The following PCDHA8 variants were observed in gnomAD, a reference collection of about 807,000 sequenced individuals.
The protein encoded by PCDHA8 is protocadherin alpha-8.
Under a neutral mutation model 61.8 loss-of-function variants are expected in PCDHA8, and 53 were observed. The ratio of observed to expected loss-of-function variants is 0.86; its 90% confidence interval spans 0.69 to 1.08. The LOEUF (loss-of-function observed/expected upper bound fraction) is 1.08. PCDHA8 is among the 50% of genes least tolerant of loss of function. The pLI is 0.00. For synonymous variants in PCDHA8, 618 were observed against 556.6 expected, an observed-to-expected ratio of 1.11 and a Z score of -1.55; for missense variants, 1,293 against 1,245.0, an observed-to-expected ratio of 1.04 and a Z score of -0.58.
At chr5:140,858,494 C>A (rs1451749220) in intron 1 of PCDHA8, 1 of 1,482,778 alleles carries the variant, frequency 6.7e-7, no homozygotes. Context: ...TTTCTCTTAC[C>A]GCATTTTCTC....
At chr5:140,941,651 T>C (rs2093139674) in intron 1 of PCDHA8, among the ~76,000 whole-genome samples, 3 of 152,120 alleles carry the variant, frequency 2.0e-5, no homozygotes, top group Admixed American at 6.6e-5. Context: ...CTACAACTTA[T>C]GTCCAATTTT....
chr5:140,945,533 A>G (rs1007849839), intron 1 of PCDHA8, among the ~76,000 whole-genome samples: 2 of 152,084 alleles, frequency 1.3e-5, no homozygotes, highest in African/African-American at 4.8e-5. Flanking sequence ...AAAACAAAAC[A>G]TACAAACAAA....
chr5:140,859,141 A>T (rs1275943443), intron 1 of PCDHA8: 1 of 150,200 alleles, frequency 6.7e-6, no homozygotes, highest in African/African-American at 2.4e-5. Context: ...ACATAATTTT[A>T]TCCAGTAGCT....
intron 1 of PCDHA8, chr5:140,863,615 T>C (rs1290782399): frequency 1.2e-5 from 4 of 339,092 alleles, no homozygotes; most frequent in South Asian, 4.8e-5. Context: ...ATGTCCCTCA[T>C]AGTGACATTG....
intron 1 of PCDHA8, chr5:140,882,334 A>G: frequency 1.2e-6 from 2 of 1,614,176 alleles, no homozygotes; most frequent in Non-Finnish European, 1.7e-6. Flanking sequence ...TGATCCTCGC[A>G]GCCTGGGAGA....
intron 2 of PCDHA8, 73 bp downstream of exon 2, chr5:140,979,080 A>T: frequency 1.3e-6 from 2 of 1,572,720 alleles, no homozygotes; most frequent in Non-Finnish European, 1.7e-6. Context: ...GCATCTCCAT[A>T]GGCCAGAAGC....
In PCDHA8 at chr5:140,850,552, C is replaced by A. The variant is rs112046100; in HGVS notation, c.2394+6837C>A. On this transcript the variant is annotated intron_variant, in intron 1 of 3. Coordinates refer to ENST00000531613, the MANE Select transcript of PCDHA8 (RefSeq NM_018911.3). ...TCATCGTCGCGGGCGTCAGTGGGTG[C>A]CACGGGCCCCGAGGTGACGCTGGTG... is the stretch of plus-strand genomic sequence containing the variant. 1,841 of 1,598,232 alleles carry A rather than the reference C, an allele frequency of 1.2e-3. 121 individuals carry two copies. The African/African-American group carries it at 0.021, about 18-fold the overall frequency.
chr5:140,928,547 A>T (rs782813761), intron 1 of PCDHA8: 5 of 1,614,206 alleles, frequency 3.1e-6, no homozygotes, highest in Middle Eastern at 3.3e-4. Context: ...AATGACAATT[A>T]TCCGGTTATC....
chr5:140,950,685 A>T (rs947460709), intron 1 of PCDHA8, among the ~76,000 whole-genome samples: 3 of 152,082 alleles, frequency 2.0e-5, no homozygotes, highest in Non-Finnish European at 4.4e-5. Context: ...GTATATTGTT[A>T]ACCAAATTTG....
chr5:140,876,801 G>A lies in PCDHA8; in HGVS notation c.2394+33086G>A, dbSNP rs1015597244. 3.1e-6 allele frequency: 5 copies of A among 1,614,114 alleles called. No homozygotes were observed. The African/African-American group carries it at 6.7e-5, about 22-fold the overall frequency. On this transcript the variant is annotated intron_variant, in intron 1 of 3. Transcript: ENST00000531613. ...TGTGGGCCACGGCTAGAGTGTCCGT[G>A]GAGGTGGCCGACGTGAACGACAATG...
chr5:140,880,790 T>C (rs2058480985), intron 1 of PCDHA8, among the ~76,000 whole-genome samples: 1 of 152,190 alleles, frequency 6.6e-6, no homozygotes, highest in African/African-American at 2.4e-5. Flanking sequence ...AGAGGAGTAA[T>C]ATAAATAGGT....
At chr5:140,866,073 G>A (rs1329544131) in intron 1 of PCDHA8, 1 of 152,068 alleles carries the variant, frequency 6.6e-6, no homozygotes, top group Non-Finnish European at 1.5e-5. Flanking sequence ...ACTGAGATAG[G>A]TATTTTGGTT....
At chr5:140,941,957 A>G (rs1254816482) in intron 1 of PCDHA8, among the ~76,000 whole-genome samples, 1 of 152,234 alleles carries the variant, frequency 6.6e-6, no homozygotes, top group Non-Finnish European at 1.5e-5. Flanking sequence ...TGAAAACAAT[A>G]GTATCTTTAC....
intron 3 of PCDHA8, among the ~76,000 whole-genome samples, chr5:140,990,611 G>A (rs577900189): frequency 6.6e-6 from 1 of 152,116 alleles, no homozygotes; most frequent in Non-Finnish European, 1.5e-5. Context: ...GATGAATACC[G>A]TAAAGGTCTG....
rs2098413689 is a variant in PCDHA8, at chr5:141,009,672, A to G, written c.2588A>G (p.Asn863Ser). Residue 863 changes from asparagine to serine, a missense_variant, in exon 4 of 4, where the codon AAC becomes AGC. Physicochemically the swap from Asn to Ser is conservative, Grantham distance 46. Transcript: ENST00000531613. The stretch of plus-strand genomic sequence containing the variant: ...TCCCCTCCAGTCGGTGCGGGTGTCA[A>G]CAGCAACAGCTGGACCTTTAAATAC... ...EVSPPVGAGV[N>S]SNSWTFKYGP... is the part of the protein sequence containing the mutation. 6.2e-7 allele frequency: 1 copy of G among 1,614,102 alleles called. No homozygotes were observed. The highest frequency in any genetic ancestry group is 1.1e-5 in the South Asian group (1 of 91,070).
At chr5:140,981,169 C>T (rs2096920797) in intron 2 of PCDHA8, among the ~76,000 whole-genome samples, 1 of 152,170 alleles carries the variant, frequency 6.6e-6, no homozygotes, top group Admixed American at 6.5e-5. Context: ...GTTGCCTTCC[C>T]TCTAATAGTT....
At chr5:140,915,626 GTCTCTCTCTCTCTC>G in intron 1 of PCDHA8, among the ~76,000 whole-genome samples, 1 of 146,536 alleles carries the variant, frequency 6.8e-6, no homozygotes, top group Non-Finnish European at 1.5e-5. Flanking sequence ...GTCTCTTTCT[GTCTCTCTCTCTCTC>G]TCTCTCTCTC....
intron 1 of PCDHA8, among the ~76,000 whole-genome samples, chr5:140,891,410 A>T: frequency 7.7e-6 from 1 of 130,320 alleles, no homozygotes; most frequent in East Asian, 2.5e-4. Context: ...GCCACCCCCC[A>T]CTCTTGCCCC....
chr5:140,855,864 G>A, intron 1 of PCDHA8: 6 of 775,890 alleles, frequency 7.7e-6, no homozygotes, highest in African/African-American at 1.7e-5. Context: ...TGTCGCTGTC[G>A]TCCACAAAAT....
Sources: allele counts gnomAD v4.1 joint callset (sites outside exome capture counted in the v4.1 genomes callset), GRCh38; gene constraint gnomAD v4.1.1; transcripts MANE v1.5; gene names NCBI Gene and HGNC (gene_info 2026-07-23, HGNC 2026-07-21).